BARD1: variants seen among roughly 807,000 people sequenced by gnomAD.
BARD1 encodes the protein BRCA1 associated RING domain 1.
A neutral mutation model predicts 77.0 loss-of-function variants in BARD1; 73 were observed. That is an observed-to-expected ratio of 0.95 (90% CI 0.79 to 1.15). The LOEUF is 1.15. BARD1 is among the 50% of genes most tolerant of loss of function. The probability of loss-of-function intolerance (pLI) is 0.00; values close to 1 mark genes in which losing one functional copy is unlikely to be tolerated. For missense variants in BARD1, 993 were observed against 938.8 expected (o/e 1.06, Z -0.75); for synonymous variants, 384 against 338.0 (o/e 1.14, Z -1.49).
Position 214,780,643 on chromosome 2 carries a change from G to A in BARD1, c.1231C>T (p.Pro411Ser), listed in dbSNP as rs786203825. 1 of 1,614,078 alleles carries A rather than the reference G, an allele frequency of 6.2e-7. No individual in the cohort carries two copies. Among genetic ancestry groups the A allele is most frequent in the Non-Finnish European group, 8.5e-7 (1 of 1,179,984 alleles). ...TTGGGCAACAGCTTCATTGCTGAGG[G>A]ACTAGACATCACTCGCCTGTAACTT... The part of the protein sequence containing the change: ...SSSYRRVMSS[P>S]SAMKLLPNMA... Residue 411 changes from proline (P) to serine (S), a missense_variant, in exon 4 of 11, where the codon CCC becomes TCC. Physicochemically the swap from Pro to Ser is moderately conservative, Grantham distance 74. Coordinates refer to ENST00000260947, the MANE Select transcript of BARD1 (RefSeq NM_000465.4).
At chr2:214,759,033 ATAGATT>A (rs1175754681) in intron 6 of BARD1, among the ~76,000 whole-genome samples, 1 of 152,246 alleles carries the variant, frequency 6.6e-6, no homozygotes, top group African/African-American at 2.4e-5. Flanking sequence ...CTGCAAACAT[ATAGATT>A]TAATTTTTCA....
chr2:214,807,791 A>G (rs1276020794), intron 1 of BARD1, among the ~76,000 whole-genome samples: 2 of 152,242 alleles, frequency 1.3e-5, no homozygotes, highest in Non-Finnish European at 2.9e-5. Context: ...ACCTGAACTC[A>G]GGCATTCTGA....
chr2:214,783,953 G>C (rs1269073766), intron 3 of BARD1, among the ~76,000 whole-genome samples: 1 of 152,102 alleles, frequency 6.6e-6, no homozygotes, highest in Non-Finnish European at 1.5e-5. Flanking sequence ...CAGGACATGG[G>C]CATGGGCAAA....
intron 6 of BARD1, among the ~76,000 whole-genome samples, chr2:214,763,189 C>T (rs1243175173): frequency 6.6e-6 from 1 of 152,114 alleles, no homozygotes; most frequent in Admixed American, 6.5e-5. Flanking sequence ...AAATCCCATC[C>T]TCCCGTTCTA....
intron 9 of BARD1, chr2:214,731,065 G>A (rs544948432): frequency 6.6e-6 from 2 of 304,688 alleles, no homozygotes; most frequent in Non-Finnish European, 1.4e-5. Context: ...GCAGAGCTTG[G>A]GATAGGTTTG....
chr2:214,797,190 C>T (rs1265266288), intron 1 of BARD1, 73 bp from the exon 2 acceptor site: 10 of 1,137,872 alleles, frequency 8.8e-6, no homozygotes, highest in Non-Finnish European at 1.3e-5. Flanking sequence ...ATATTTCATC[C>T]AAGGCCCAAC....
intron 1 of BARD1, among the ~76,000 whole-genome samples, chr2:214,800,946 T>C (rs1042804697): frequency 6.6e-6 from 1 of 152,072 alleles, no homozygotes; most frequent in South Asian, 2.1e-4. Flanking sequence ...TTGAGAATAG[T>C]TAGGAAGTTA....
At chr2:214,762,777 C>T (rs138554608) in intron 6 of BARD1, among the ~76,000 whole-genome samples, 20 of 152,264 alleles carry the variant, frequency 1.3e-4, no homozygotes, top group East Asian at 7.7e-4. Context: ...AATCTATGTA[C>T]GTACCCAACT....
At chr2:214,753,354 C>T (rs1037019666) in intron 6 of BARD1, among the ~76,000 whole-genome samples, 1 of 152,070 alleles carries the variant, frequency 6.6e-6, no homozygotes, top group Admixed American at 6.6e-5. Flanking sequence ...ATTCTGTTTC[C>T]TTACATATGG....
chr2:214,789,488 T>C (rs968372416), intron 3 of BARD1, among the ~76,000 whole-genome samples: 3 of 152,002 alleles, frequency 2.0e-5, no homozygotes, highest in African/African-American at 7.3e-5. Flanking sequence ...AAGGCTTCAG[T>C]GAGCCATGAT....
intron 9 of BARD1, 102 bp downstream of exon 9, chr2:214,744,965 G>C: frequency 2.8e-6 from 3 of 1,059,224 alleles, no homozygotes; most frequent in Non-Finnish European, 4.3e-6. Flanking sequence ...CTAACCAGAG[G>C]TAAGAAAATT....
chr2:214,753,802 A>G (rs1693569781), intron 6 of BARD1, among the ~76,000 whole-genome samples: 1 of 152,136 alleles, frequency 6.6e-6, no homozygotes, highest in Non-Finnish European at 1.5e-5. Context: ...ATGTTTCTCT[A>G]ATGACTGCAA....
chr2:214,785,530 G>C (rs374967007), intron 3 of BARD1, among the ~76,000 whole-genome samples: 1 of 151,926 alleles, frequency 6.6e-6, no homozygotes, highest in South Asian at 2.1e-4. Context: ...AAATGTTTAC[G>C]TAAGAGATGT....
Position 214,761,736 on chromosome 2 carries a change from G to C in BARD1, c.1568+5746C>G, listed in dbSNP as rs182301912. Among the ~76,000 whole-genome samples the C allele has an allele frequency of 5.9e-5, 9 of 152,192 alleles. No homozygotes were observed. In the East Asian group the frequency reaches 1.7e-3, roughly 29 times the overall value. On this transcript the variant is annotated intron_variant, in intron 6 of 10. Transcript: ENST00000260947. The stretch of plus-strand genomic sequence containing the variant: ...GTTAGAAAATAATAAAGGGAAGAAA[G>C]CTTCCACAGGGCAATAAAGAACATT...
intron 9 of BARD1, among the ~76,000 whole-genome samples, chr2:214,743,243 A>G (rs1327667707): frequency 3.9e-5 from 6 of 152,208 alleles, no homozygotes; most frequent in Admixed American, 2.0e-4. Context: ...TTTACAAACC[A>G]AATCAACTTC....
At chr2:214,805,234 C>T (rs1022377353) in intron 1 of BARD1, among the ~76,000 whole-genome samples, 1 of 152,242 alleles carries the variant, frequency 6.6e-6, no homozygotes, top group Non-Finnish European at 1.5e-5. Flanking sequence ...TACCCAAGTA[C>T]TCTTCTCAGC....
At chr2:214,795,027 C>T (rs1252016727) in intron 2 of BARD1, among the ~76,000 whole-genome samples, 1 of 152,146 alleles carries the variant, frequency 6.6e-6, no homozygotes, top group African/African-American at 2.4e-5. Context: ...CACAAACCAA[C>T]TTTGCATAAA....
intron 9 of BARD1, among the ~76,000 whole-genome samples, chr2:214,742,085 C>T (rs1692861399): frequency 6.6e-6 from 1 of 152,104 alleles, no homozygotes; most frequent in Middle Eastern, 3.2e-3. Context: ...GTTTTGTCTA[C>T]CAGCAAGTTA....
Position 214,746,848 on chromosome 2 carries a change from G to C in BARD1, c.1678-994C>G, listed in dbSNP as rs7355310. On this transcript the variant is annotated intron_variant, in intron 7 of 10. Coordinates refer to ENST00000260947, the MANE Select transcript of BARD1 (RefSeq NM_000465.4). ...AGCAATGGCAACAAAAGCCAAAATT[G>C]ACAAATGGGATCTCATTAAACTAAA... is the stretch of plus-strand genomic sequence containing the variant. Among the ~76,000 whole-genome samples the C allele has an allele frequency of 2.5e-3, 387 of 152,150 alleles. 1 individual carries two copies. The highest frequency in any genetic ancestry group is 4.9e-3 in the African/African-American group (202 of 41,524).
Sources: gnomAD v4.1 joint callset for allele counts (sites outside exome capture counted in the v4.1 genomes callset) on GRCh38, gnomAD v4.1.1 for gene constraint, MANE v1.5 for transcripts, NCBI Gene and HGNC (gene_info 2026-07-23, HGNC 2026-07-21) for gene names.